Variants in R3HCC1 observed in about 807,000 individuals in gnomAD.
R3HCC1 encodes R3H domain and coiled-coil containing 1, also known as R3H and coiled-coil domain-containing protein 1.
R3HCC1 carries 32 observed loss-of-function variants against 40.0 expected under a neutral mutation model. The observed-to-expected ratio is 0.80, with a 90% CI of 0.60 to 1.07. R3HCC1 has a LOEUF of 1.07. R3HCC1 is among the 50% of genes least tolerant of loss of function. The probability of loss-of-function intolerance (pLI) is 0.00; values close to 1 mark genes in which losing one functional copy is unlikely to be tolerated. For synonymous variants in R3HCC1, 237 were observed against 232.8 expected, an observed-to-expected ratio of 1.02 and a Z score of -0.17; for missense variants, 586 against 563.3, an observed-to-expected ratio of 1.04 and a Z score of -0.41.
chr8:23,294,075 G>A (rs1322185235), intron 6 of R3HCC1, among the ~76,000 whole-genome samples: 1 of 152,180 alleles, frequency 6.6e-6, no homozygotes, highest in East Asian at 1.9e-4. Flanking sequence ...TTGCTGCTGG[G>A]GCCCAGTCCT....
intron 7 of R3HCC1, among the ~76,000 whole-genome samples, chr8:23,295,204 C>T (rs1016539312): frequency 3.9e-5 from 6 of 152,132 alleles, no homozygotes; most frequent in Non-Finnish European, 7.3e-5. Context: ...AACCGTATCC[C>T]ATAGGGCCGG....
intron 1 of R3HCC1, 39 bp from the exon 2 acceptor site, chr8:23,288,467 C>G (rs2117117793): frequency 6.5e-7 from 1 of 1,534,108 alleles, no homozygotes; most frequent in Non-Finnish European, 8.7e-7. Context: ...ATCCGGGGGT[C>G]TGTGCTCTGA....
At position 23,293,296 on chromosome 8, in the gene R3HCC1, C is replaced by T. The variant is rs777528274; in HGVS notation, c.1026-7C>T. On this transcript the variant is annotated splice_polypyrimidine_tract_variant and splice_region_variant and intron_variant, in intron 5 of 7. Transcript: ENST00000265806. ...CTGAATGTGCTGTCTCCTCTCTCGC[C>T]GCACAGAGAGAAGGGGTTCAGGATT... 254 of 1,549,864 alleles carry T rather than the reference C, an allele frequency of 1.6e-4. No homozygotes were observed. The highest frequency in any genetic ancestry group is 3.3e-4 in the Middle Eastern group (2 of 6,012).
Position 23,296,170 on chromosome 8 carries a change from G to A in R3HCC1, c.*73G>A. 2.0e-6 allele frequency: 3 copies of A among 1,486,238 alleles called. No individual in the cohort carries two copies. The highest frequency in any genetic ancestry group is 2.7e-6 in the Non-Finnish European group (3 of 1,113,068). The allele number at this position is 1,486,238 out of a possible 1,614,324, so 92.1% of individuals were successfully genotyped here. On this transcript the variant is annotated 3_prime_UTR_variant, in exon 8 of 8. Transcript: ENST00000265806. Reference sequence around the variant, plus strand: ...GCCCCCAACACCATAAGCCTTCACAGACGCCAGAGCAGCCCCGCACCACCC... The same window carrying A: ...GCCCCCAACACCATAAGCCTTCACAAACGCCAGAGCAGCCCCGCACCACCC...
At chr8:23,295,776 C>T (rs1802997896) in intron 7 of R3HCC1, 191 bp from the exon 8 acceptor site, 1 of 791,342 alleles carries the variant, frequency 1.3e-6, no homozygotes, top group South Asian at 1.9e-5. Flanking sequence ...TCAGCATCCC[C>T]TGGGGGGCCA....
In R3HCC1 at chr8:23,288,759, C is replaced by T. The variant is rs1273863735; in HGVS notation, c.110+126C>T. The T allele has an allele frequency of 8.4e-6, 10 of 1,184,016 alleles. No homozygotes were observed. The Admixed American group carries it at 2.0e-4, about 23-fold the overall frequency. 73.3% of individuals were successfully genotyped at this position (1,184,016 alleles called of 1,614,324 possible). On this transcript the variant is annotated intron_variant, in intron 2 of 7. Transcript: ENST00000265806. The stretch of plus-strand genomic sequence containing the variant: ...TGACCTTGGCCTTTAGTCTTTATAA[C>T]GCCAGCTGCCTCTTTTAGCTGCATC...
At chr8:23,293,031 C>T (rs1802902463) in intron 5 of R3HCC1, among the ~76,000 whole-genome samples, 1 of 152,184 alleles carries the variant, frequency 6.6e-6, no homozygotes, top group South Asian at 2.1e-4. Context: ...GGTGTCGTGC[C>T]ATATGAGCTC....
Position 23,290,209 on chromosome 8 carries a change from C to T in R3HCC1, c.592C>T (p.Pro198Ser), listed in dbSNP as rs1183010087. The T allele has an allele frequency of 6.4e-6, 10 of 1,551,588 alleles. No homozygotes were observed. The highest frequency in any genetic ancestry group is 1.4e-5 in the African/African-American group (1 of 73,040). Residue 198 changes from proline to serine, a missense_variant, in exon 4 of 8, where the codon CCA becomes TCA. Coordinates refer to ENST00000265806, the MANE Select transcript of R3HCC1 (RefSeq NM_001136108.3). ...TCAGGGAACAGAGGACCTAAAGGGC[C>T]CAGGACAAAGGTGTGAGAATGAGCC... is the stretch of plus-strand genomic sequence containing the variant.
At position 23,291,469 on chromosome 8, in the gene R3HCC1, G is replaced by C; in HGVS notation, c.961G>C (p.Glu321Gln). ...AGAGAAGGACCTTGCCCACGTGGTA[G>C]AGATCTATGACTTTGAACCAGCGCT... The change falls in exon 5 of 8, where the codon GAG (glutamate) becomes CAG (glutamine). Residue 321 changes from glutamate to glutamine, a missense_variant. Glu to Gln is a conservative substitution (Grantham distance 29). Coordinates refer to ENST00000265806, the MANE Select transcript of R3HCC1 (RefSeq NM_001136108.3). 6.4e-7 allele frequency: 1 copy of C among 1,551,664 alleles called. No individual in the cohort carries two copies. Among genetic ancestry groups the C allele is most frequent in the Non-Finnish European group, 8.7e-7 (1 of 1,146,956 alleles).
At position 23,294,753 on chromosome 8, in the gene R3HCC1, TG is replaced by T; in HGVS notation, c.1097-15del. 1 of 1,549,020 alleles carries T rather than the reference TG, an allele frequency of 6.5e-7. No homozygotes were observed. The highest frequency in any genetic ancestry group is 8.7e-7 in the Non-Finnish European group (1 of 1,145,316). ...GAGGAGGAGGGAGTGGCTCCACGCC[TG>T]CTTTCTTTCCACAGCTGCGGAAGCC... On this transcript the variant is annotated splice_polypyrimidine_tract_variant and intron_variant, in intron 6 of 7. Coordinates refer to ENST00000265806, the MANE Select transcript of R3HCC1 (RefSeq NM_001136108.3).
Position 23,296,010 on chromosome 8 carries a change from T to C in R3HCC1, c.1236T>C (p.Thr412=). 1.3e-6 allele frequency: 2 copies of C among 1,550,962 alleles called. No homozygotes were observed. The highest frequency in any genetic ancestry group is 1.7e-6 in the Non-Finnish European group (2 of 1,146,924). The change falls in exon 8 of 8, where the codon ACT becomes ACC. Residue 412 remains threonine, a synonymous_variant. Transcript: ENST00000265806. ...AGGAGAGGCCACAGACAAATGCGAC[T>C]GTGGCCCGGCGGCTGGTGGCCCGGG...
In R3HCC1 at chr8:23,293,303, A is replaced by G; in HGVS notation, c.1026A>G (p.Gln342=). The change falls in exon 6 of 8, where the codon CAA becomes CAG. Residue 342 remains glutamine, a splice_region_variant and synonymous_variant. Transcript: ENST00000265806. ...TGCTGTCTCCTCTCTCGCCGCACAGAGAGAAGGGGTTCAGGATTCAGTGGG... is the reference window on the plus strand; with the variant it reads ...TGCTGTCTCCTCTCTCGCCGCACAGGGAGAAGGGGTTCAGGATTCAGTGGG... 1 of 1,551,358 alleles carries G rather than the reference A, an allele frequency of 6.4e-7. No homozygotes were observed. Among genetic ancestry groups the G allele is most frequent in the East Asian group, 2.4e-5 (1 of 40,902 alleles).
intron 7 of R3HCC1, 103 bp downstream of exon 7, chr8:23,294,967 T>A: frequency 3.5e-6 from 3 of 861,604 alleles, no homozygotes; most frequent in Non-Finnish European, 3.8e-6. Flanking sequence ...GGCAGGGTCT[T>A]CCCCTCTGTT....
At chr8:23,292,486 C>T (rs1201241845) in intron 5 of R3HCC1, among the ~76,000 whole-genome samples, 7 of 152,200 alleles carry the variant, frequency 4.6e-5, no homozygotes, top group African/African-American at 9.6e-5. Context: ...TGGTGGCAGG[C>T]GCCTGTAGTC....
intron 5 of R3HCC1, 71 bp from the exon 6 acceptor site, chr8:23,293,232 G>GGCT: frequency 7.7e-7 from 1 of 1,304,168 alleles, no homozygotes; most frequent in South Asian, 1.3e-5. Flanking sequence ...GAGGGGGTGT[G>GGCT]GCTGCGGGAT....
chr8:23,288,971 C>G (rs954455406), intron 2 of R3HCC1, 45 bp from the exon 3 acceptor site: 12 of 1,533,042 alleles, frequency 7.8e-6, no homozygotes, highest in Non-Finnish European at 9.6e-6. Context: ...TGGTAGGGGC[C>G]AGGCCCTGGA....
chr8:23,289,257 A>T (rs996014943), intron 3 of R3HCC1, 104 bp downstream of exon 3: 2 of 1,290,824 alleles, frequency 1.5e-6, no homozygotes, highest in Non-Finnish European at 2.1e-6. Flanking sequence ...CAGGGCTGGG[A>T]CCCCCGGCTG....
At chr8:23,292,238 C>T (rs1246048026) in intron 5 of R3HCC1, among the ~76,000 whole-genome samples, 2 of 152,120 alleles carry the variant, frequency 1.3e-5, no homozygotes, top group African/African-American at 4.8e-5. Context: ...AGTGATCCTC[C>T]CACCTTCGTC....
Position 23,296,055 on chromosome 8 carries a change from AAAG to A in R3HCC1, c.1284_1286del (p.Lys429del), listed in dbSNP as rs773573205. On this transcript the variant is annotated inframe_deletion, in exon 8 of 8. Coordinates refer to ENST00000265806, the MANE Select transcript of R3HCC1 (RefSeq NM_001136108.3). ...CCCGGGCCCTGGGACTCCAACACAAAAAGAAAGAGCGGCCTGCTGTCCGGGGTC... is the reference window on the plus strand; with the variant it reads ...CCCGGGCCCTGGGACTCCAACACAAAAAAGAGCGGCCTGCTGTCCGGGGTC... 1 of 1,550,562 alleles carries A rather than the reference AAAG, an allele frequency of 6.4e-7. No homozygotes were observed. The highest frequency in any genetic ancestry group is 1.4e-5 in the African/African-American group (1 of 73,050).
Sources: allele counts gnomAD v4.1 joint callset (sites outside exome capture counted in the v4.1 genomes callset), GRCh38; gene constraint gnomAD v4.1.1; transcripts MANE v1.5; gene names NCBI Gene and HGNC (gene_info 2026-07-23, HGNC 2026-07-21).